The following PTPRD variants were observed in gnomAD, a reference collection of about 807,000 sequenced individuals.
PTPRD encodes the protein protein tyrosine phosphatase receptor type D.
In PTPRD, 34 loss-of-function variants were observed where a neutral mutation model predicts 214.5. That is an observed-to-expected ratio of 0.16 (90% CI 0.12 to 0.21). The LOEUF (loss-of-function observed/expected upper bound fraction) is 0.21, where lower values mean the gene tolerates loss of function less well. PTPRD is among the 10% of genes least tolerant of loss of function. PTPRD has a pLI of 1.00. For synonymous variants in PTPRD, 1,128 were observed against 845.7 expected (o/e 1.33, Z -5.79); for missense variants, 2,545 against 2,398.7 (o/e 1.06, Z -1.27).
intron 9 of PTPRD, among the ~76,000 whole-genome samples, chr9:9,190,936 T>C (rs147642231): frequency 6.6e-6 from 1 of 152,136 alleles, no homozygotes; most frequent in East Asian, 1.9e-4. Context: ...GGCTGAACCA[T>C]AGAGTTCAGA....
At chr9:8,755,003 A>G (rs895981231) in intron 11 of PTPRD, among the ~76,000 whole-genome samples, 2 of 152,154 alleles carry the variant, frequency 1.3e-5, no homozygotes, top group African/African-American at 4.8e-5. Flanking sequence ...TATCAAAATG[A>G]GAAACCACTC....
At chr9:10,291,879 C>G (rs576858530) in intron 3 of PTPRD, among the ~76,000 whole-genome samples, 1 of 152,162 alleles carries the variant, frequency 6.6e-6, no homozygotes, top group African/African-American at 2.4e-5. Flanking sequence ...CTTGGAGCCA[C>G]TCATTTATAG....
At chr9:10,230,162 C>G (rs948934056) in intron 3 of PTPRD, among the ~76,000 whole-genome samples, 1 of 151,978 alleles carries the variant, frequency 6.6e-6, no homozygotes, top group Non-Finnish European at 1.5e-5. Flanking sequence ...AGTCAATCAT[C>G]AAAAGATAGG....
chr9:8,650,163 C>T (rs991084703), intron 12 of PTPRD, among the ~76,000 whole-genome samples: 1 of 152,046 alleles, frequency 6.6e-6, no homozygotes, highest in African/African-American at 2.4e-5. Context: ...AGTGATCCTC[C>T]GGCCTCAGTC....
intron 9 of PTPRD, among the ~76,000 whole-genome samples, chr9:9,288,415 A>T (rs955367261): frequency 1.3e-5 from 2 of 151,842 alleles, no homozygotes; most frequent in African/African-American, 2.4e-5. Flanking sequence ...TATCCTTTAC[A>T]ACTACCATAA....
At position 10,558,514 on chromosome 9, in the gene PTPRD, G is replaced by C. The variant is rs947855986; in HGVS notation, c.-600+53884C>G. ...CCCCTCTCCAACCTCTCCAGCTTGA[G>C]AACACAGTAGGTGCAGCTACTTAGC... On this transcript the variant is annotated intron_variant, in intron 2 of 45. Coordinates refer to ENST00000381196, the MANE Select transcript of PTPRD (RefSeq NM_002839.4). 1.6e-4 allele frequency among the ~76,000 whole-genome samples: 24 copies of C among 152,066 alleles called. No individual in the cohort carries two copies. In the East Asian group the frequency reaches 2.3e-3, roughly 15 times the overall value.
intron 5 of PTPRD, among the ~76,000 whole-genome samples, chr9:9,851,936 T>C (rs1488155713): frequency 6.6e-6 from 1 of 152,216 alleles, no homozygotes; most frequent in African/African-American, 2.4e-5. Flanking sequence ...GAGCTATTTA[T>C]ATTCACTGAA....
At chr9:8,590,736 G>C (rs1032504421) in intron 14 of PTPRD, among the ~76,000 whole-genome samples, 1 of 152,148 alleles carries the variant, frequency 6.6e-6, no homozygotes, top group Non-Finnish European at 1.5e-5. Flanking sequence ...AAATACTAGG[G>C]ATTTGCATGC....
intron 9 of PTPRD, among the ~76,000 whole-genome samples, chr9:9,369,349 C>T (rs527589484): frequency 6.6e-6 from 1 of 152,222 alleles, no homozygotes; most frequent in African/African-American, 2.4e-5. Flanking sequence ...TTGCATTTCT[C>T]TGATGGCCAG....
intron 6 of PTPRD, among the ~76,000 whole-genome samples, chr9:9,742,377 CT>C (rs1379986355): frequency 6.6e-6 from 1 of 152,112 alleles, no homozygotes; most frequent in Non-Finnish European, 1.5e-5. Flanking sequence ...TCACTTTCAC[CT>C]TTCGTAGAGA....
At position 8,343,048 on chromosome 9, in the gene PTPRD, G is replaced by A. The variant is rs550911694; in HGVS notation, c.4662-1070C>T. 2.0e-3 allele frequency among the ~76,000 whole-genome samples: 298 copies of A among 152,158 alleles called. 1 individual carries two copies. The highest frequency in any genetic ancestry group is 3.0e-3 in the Non-Finnish European group (205 of 67,972). Reference sequence around the variant, plus strand: ...AGGCACCTTTGCAACGAAGATACCAGAACTCCAAAACAAATGAGTTAATGC... The same window carrying A: ...AGGCACCTTTGCAACGAAGATACCAAAACTCCAAAACAAATGAGTTAATGC... On this transcript the variant is annotated intron_variant, in intron 39 of 45. Coordinates refer to ENST00000381196, the MANE Select transcript of PTPRD (RefSeq NM_002839.4).
chr9:10,486,126 G>A lies in PTPRD; in HGVS notation c.-600+126272C>T, dbSNP rs529254226. Among the ~76,000 whole-genome samples the A allele has an allele frequency of 1.3e-3, 190 of 151,892 alleles. 1 individual carries two copies. The highest frequency in any genetic ancestry group is 0.01 in the Middle Eastern group (3 of 294). On this transcript the variant is annotated intron_variant, in intron 2 of 45. Coordinates refer to ENST00000381196, the MANE Select transcript of PTPRD (RefSeq NM_002839.4). ...GATTGCAAAAATTTTCTCCCATTCTGTAGGTTGCCTGTTCACTCTGATGGT... is the reference window on the plus strand; with the variant it reads ...GATTGCAAAAATTTTCTCCCATTCTATAGGTTGCCTGTTCACTCTGATGGT...
At chr9:8,326,030 C>G (rs1316048626) in intron 44 of PTPRD, among the ~76,000 whole-genome samples, 2 of 152,164 alleles carry the variant, frequency 1.3e-5, no homozygotes, top group African/African-American at 4.8e-5. Flanking sequence ...GACAATTTGA[C>G]TTCCACTTTT....
At chr9:9,392,205 G>A (rs1297182648) in intron 9 of PTPRD, among the ~76,000 whole-genome samples, 4 of 152,090 alleles carry the variant, frequency 2.6e-5, no homozygotes, top group African/African-American at 9.7e-5. Flanking sequence ...CAGTAATCTG[G>A]GCACATTGAT....
intron 11 of PTPRD, among the ~76,000 whole-genome samples, chr9:8,957,829 C>T (rs184704465): frequency 1.3e-5 from 2 of 151,636 alleles, no homozygotes; most frequent in African/African-American, 4.8e-5. Context: ...TGTCTGAATT[C>T]CAGTGCCAGA....
intron 11 of PTPRD, among the ~76,000 whole-genome samples, chr9:8,930,532 G>C (rs13290982): frequency 6.6e-6 from 1 of 151,918 alleles, no homozygotes; most frequent in African/African-American, 2.4e-5. Context: ...CGGAGGAATC[G>C]CCACACTGTC....
At chr9:8,618,053 C>G (rs1043679221) in intron 14 of PTPRD, among the ~76,000 whole-genome samples, 1 of 151,954 alleles carries the variant, frequency 6.6e-6, no homozygotes, top group Non-Finnish European at 1.5e-5. Context: ...AATTGCCCAA[C>G]TGAGTAGAAC....
At chr9:9,044,563 G>GT (rs1178029900) in intron 10 of PTPRD, among the ~76,000 whole-genome samples, 3 of 152,316 alleles carry the variant, frequency 2.0e-5, no homozygotes, top group Admixed American at 2.0e-4. Context: ...AGGGGCAAGT[G>GT]TAAAAAGAGT....
chr9:9,045,537 A>C (rs566255188), intron 10 of PTPRD, among the ~76,000 whole-genome samples: 2 of 152,314 alleles, frequency 1.3e-5, no homozygotes, highest in South Asian at 4.1e-4. Context: ...TAACAGTTGA[A>C]GTTGCAGGAG....
Sources: allele counts gnomAD v4.1 joint callset (sites outside exome capture counted in the v4.1 genomes callset), GRCh38; gene constraint gnomAD v4.1.1; transcripts MANE v1.5; gene names NCBI Gene and HGNC (gene_info 2026-07-23, HGNC 2026-07-21).